CARMIL1: variants seen among roughly 807,000 people sequenced by gnomAD.
CARMIL1 encodes F-actin-uncapping protein LRRC16A.
Under a neutral mutation model 177.1 loss-of-function variants are expected in CARMIL1, and 90 were observed. That is an observed-to-expected ratio of 0.51 (90% CI 0.43 to 0.61). CARMIL1 has a LOEUF of 0.61. Ranked by LOEUF, CARMIL1 falls within the 20% of genes least tolerant of loss-of-function variation. The pLI, the probability that CARMIL1 is intolerant of heterozygous loss-of-function variation, is 0.00. For missense variants in CARMIL1, 1,380 were observed against 1,667.0 expected (o/e 0.83, Z 3.00); for synonymous variants, 577 against 606.2 (o/e 0.95, Z 0.71).
chr6:25,486,390 C>T (rs1329998230), intron 12 of CARMIL1, among the ~76,000 whole-genome samples: 1 of 152,094 alleles, frequency 6.6e-6, no homozygotes, highest in Admixed American at 6.5e-5. Flanking sequence ...CAAGCGCCCG[C>T]ACTTGTCCAG....
chr6:25,384,169 T>G (rs968446925), intron 2 of CARMIL1, among the ~76,000 whole-genome samples: 1 of 152,208 alleles, frequency 6.6e-6, no homozygotes, highest in Non-Finnish European at 1.5e-5. Context: ...TCAGAATGTT[T>G]GTTTTCAAGA....
intron 2 of CARMIL1, among the ~76,000 whole-genome samples, chr6:25,414,602 C>A (rs754021756): frequency 4.6e-5 from 7 of 152,094 alleles, no homozygotes; most frequent in Non-Finnish European, 1.0e-4. Flanking sequence ...ATGAATGTAG[C>A]CCCATTAATT....
At chr6:25,519,469 G>C (rs1304928096) in intron 22 of CARMIL1, among the ~76,000 whole-genome samples, 2 of 152,208 alleles carry the variant, frequency 1.3e-5, no homozygotes, top group East Asian at 3.8e-4. Context: ...CAGCTTCAGA[G>C]TTCTGTGTGT....
intron 31 of CARMIL1, among the ~76,000 whole-genome samples, chr6:25,587,236 GTTTC>G (rs926220570): frequency 9.2e-5 from 14 of 151,978 alleles, no homozygotes; most frequent in Admixed American, 1.3e-4. Context: ...GAGCTAGAAT[GTTTC>G]TTTCTTTTTT....
intron 2 of CARMIL1, among the ~76,000 whole-genome samples, chr6:25,321,671 T>A (rs1353971792): frequency 6.6e-6 from 1 of 152,138 alleles, no homozygotes; most frequent in Non-Finnish European, 1.5e-5. Context: ...AATTTAATTT[T>A]TTTTTTTTAG....
intron 2 of CARMIL1, among the ~76,000 whole-genome samples, chr6:25,387,345 A>G (rs1792286323): frequency 6.6e-6 from 1 of 152,228 alleles, no homozygotes; most frequent in Non-Finnish European, 1.5e-5. Flanking sequence ...ATAGTTCCCC[A>G]GATAATAGGC....
chr6:25,581,054 G>A lies in CARMIL1; in HGVS notation c.2809+64G>A, dbSNP rs1813070360. The stretch of plus-strand genomic sequence containing the variant: ...GTGAAGCACCCTCAGCAAGACCTTA[G>A]ACCATTTTAGGGATGTTCCTTATGG... On this transcript the variant is annotated intron_variant, in intron 30 of 36. Transcript: ENST00000329474. The A allele has an allele frequency of 4.0e-6, 6 of 1,496,132 alleles. No individual in the cohort carries two copies. The African/African-American group carries it at 8.3e-5, about 21-fold the overall frequency. The allele number at this position is 1,496,132 out of a possible 1,614,324, so 92.7% of individuals were successfully genotyped here. A position where few individuals can be genotyped will look rare whatever the true frequency, so the allele number is the denominator to read the frequency against.
chr6:25,452,089 G>T, intron 8 of CARMIL1: 1 of 725,816 alleles, frequency 1.4e-6, no homozygotes, highest in South Asian at 1.4e-5. Flanking sequence ...CTAGCCAACT[G>T]AATCGGCCAG....
chr6:25,614,695 C>A (rs1816759152), intron 36 of CARMIL1, among the ~76,000 whole-genome samples: 1 of 152,158 alleles, frequency 6.6e-6, no homozygotes, highest in African/African-American at 2.4e-5. Context: ...ATCATTAATG[C>A]AATGTTCCTT....
intron 11 of CARMIL1, among the ~76,000 whole-genome samples, chr6:25,481,545 A>G (rs1802121563): frequency 1.3e-5 from 2 of 152,206 alleles, no homozygotes; most frequent in South Asian, 2.1e-4. Flanking sequence ...GCAGGAGGTC[A>G]GTTGAAGGAC....
At chr6:25,425,791 G>C (rs976881110) in intron 3 of CARMIL1, among the ~76,000 whole-genome samples, 1 of 152,074 alleles carries the variant, frequency 6.6e-6, no homozygotes, top group African/African-American at 2.4e-5. Context: ...GAGGACTTTT[G>C]TTTAACTCTG....
At chr6:25,597,687 T>C (rs1479079338) in intron 32 of CARMIL1, among the ~76,000 whole-genome samples, 2 of 152,174 alleles carry the variant, frequency 1.3e-5, no homozygotes, top group African/African-American at 4.8e-5. Context: ...CATCATCTGC[T>C]GGGGGATTCC....
chr6:25,407,015 C>A (rs1007619596), intron 2 of CARMIL1, among the ~76,000 whole-genome samples: 1 of 152,042 alleles, frequency 6.6e-6, no homozygotes, highest in Non-Finnish European at 1.5e-5. Context: ...CATGAAGGGC[C>A]ATGCCCAGTG....
chr6:25,420,661 G>C (rs979545808), intron 3 of CARMIL1, among the ~76,000 whole-genome samples: 6 of 152,276 alleles, frequency 3.9e-5, no homozygotes, highest in Non-Finnish European at 8.8e-5. Flanking sequence ...AACCATCTCA[G>C]CTGTTCTCCG....
chr6:25,598,843 G>A (rs1197336286), intron 32 of CARMIL1, among the ~76,000 whole-genome samples: 1 of 152,148 alleles, frequency 6.6e-6, no homozygotes, highest in Non-Finnish European at 1.5e-5. Context: ...TTGTTGCGGG[G>A]AGAGGGTATC....
chr6:25,296,655 GAGCTAAGGTGTGGCC>G (rs1402306745), intron 2 of CARMIL1, among the ~76,000 whole-genome samples: 3 of 151,646 alleles, frequency 2.0e-5, no homozygotes, highest in Non-Finnish European at 4.4e-5. Flanking sequence ...TGCAGAATCT[GAGCTAAGGTGTGGCC>G]AGGAGAAGTC....
rs181739778 is a variant in CARMIL1, at chr6:25,424,848, A to C, written c.190-1653A>C. 3.3e-5 allele frequency among the ~76,000 whole-genome samples: 5 copies of C among 152,254 alleles called. No homozygotes were observed. In the East Asian group the frequency reaches 7.7e-4, roughly 24 times the overall value. ...AGTTCTGCATTTTTAAAGAGACTTA[A>C]ATTGGAAGCTGGAAGCCATACTTGT... On this transcript the variant is annotated intron_variant, in intron 3 of 36. Transcript: ENST00000329474.
At chr6:25,479,146 G>A (rs748780757) in intron 11 of CARMIL1, 21 of 518,914 alleles carry the variant, frequency 4.0e-5, no homozygotes, top group Middle Eastern at 3.2e-4. Context: ...TGTTCCCACC[G>A]TTCTCCAGAC....
intron 32 of CARMIL1, among the ~76,000 whole-genome samples, chr6:25,594,890 C>T (rs911902604): frequency 6.6e-6 from 1 of 152,178 alleles, no homozygotes; most frequent in Non-Finnish European, 1.5e-5. Context: ...GGCTTTATCA[C>T]TTGGATAGTT....
Sources: gnomAD v4.1 joint callset for allele counts (sites outside exome capture counted in the v4.1 genomes callset) on GRCh38, gnomAD v4.1.1 for gene constraint, MANE v1.5 for transcripts, NCBI Gene and HGNC (gene_info 2026-07-23, HGNC 2026-07-21) for gene names.